The following RPS6KA6 variants were observed in gnomAD, a reference collection of about 807,000 sequenced individuals.
RPS6KA6 encodes the protein ribosomal protein S6 kinase alpha-6.
In RPS6KA6, 27 loss-of-function variants were observed where a neutral mutation model predicts 65.4. The ratio of observed to expected loss-of-function variants is 0.41; its 90% CI spans 0.30 to 0.57. The LOEUF is 0.57. Ranked by LOEUF, RPS6KA6 falls within the 20% of genes least tolerant of loss-of-function variation. The probability of loss-of-function intolerance (pLI) is 0.24; values close to 1 mark genes in which losing one functional copy is unlikely to be tolerated. For synonymous variants in RPS6KA6, 190 were observed against 184.2 expected, an observed-to-expected ratio of 1.03 and a Z score of -0.26; for missense variants, 486 against 555.6, an observed-to-expected ratio of 0.87 and a Z score of 1.26.
intron 3 of RPS6KA6, among the ~76,000 whole-genome samples, chrX:84,149,389 T>A (rs1253764135): frequency 1.8e-5 from 2 of 111,186 alleles, no homozygotes; most frequent in Non-Finnish European, 3.8e-5. Flanking sequence ...TTTCCAGAGG[T>A]TTTCAATTTG....
At chrX:84,115,586 C>T (rs1353885979) in intron 12 of RPS6KA6, among the ~76,000 whole-genome samples, 1 of 111,058 alleles carries the variant, frequency 9.0e-6, no homozygotes, top group African/African-American at 3.3e-5. Flanking sequence ...AAATTTGACC[C>T]AGCAATCCCA....
intron 1 of RPS6KA6, among the ~76,000 whole-genome samples, chrX:84,166,449 T>G (rs1357687627): frequency 9.0e-6 from 1 of 110,946 alleles, no homozygotes; most frequent in Non-Finnish European, 1.9e-5. Flanking sequence ...AAAAATCATA[T>G]GAAAAATTTT....
At chrX:84,092,218 C>CA (rs1307416364) in intron 20 of RPS6KA6, among the ~76,000 whole-genome samples, 22 of 106,877 alleles carry the variant, frequency 2.1e-4, no homozygotes, top group Admixed American at 4.0e-4. Context: ...TTATACTTTT[C>CA]AAAAAAAAAA....
chrX:84,078,343 T>C (rs765692678), intron 20 of RPS6KA6, among the ~76,000 whole-genome samples: 28 of 112,232 alleles, frequency 2.5e-4, no homozygotes, highest in African/African-American at 8.1e-4. Context: ...AATTTTCATA[T>C]GCTAATGGTG....
At chrX:84,112,756 A>C (rs968217556) in intron 12 of RPS6KA6, among the ~76,000 whole-genome samples, 1 of 112,117 alleles carries the variant, frequency 8.9e-6, no homozygotes, top group Non-Finnish European at 1.9e-5. Flanking sequence ...AAACTACACG[A>C]AAGTAGAATA....
chrX:84,185,261 C>T (rs1003758125), intron 1 of RPS6KA6, among the ~76,000 whole-genome samples: 31 of 111,162 alleles, frequency 2.8e-4, no homozygotes, highest in African/African-American at 1.0e-3. Context: ...ACCCTATTTC[C>T]CCTCTTCTAA....
chrX:84,115,200 C>A (rs930094804), intron 12 of RPS6KA6, among the ~76,000 whole-genome samples: 115 of 111,369 alleles, frequency 1.0e-3, no homozygotes, highest in African/African-American at 3.4e-3. Flanking sequence ...GCAAACTATG[C>A]CTCTGACAAA....
chrX:84,112,239 C>T (rs189400215), intron 12 of RPS6KA6, among the ~76,000 whole-genome samples: 2 of 111,539 alleles, frequency 1.8e-5, no homozygotes, highest in East Asian at 2.8e-4. Context: ...TAGTGGGGGA[C>T]TTCAATACCA....
At chrX:84,121,533 A>G (rs759480260) in intron 8 of RPS6KA6, among the ~76,000 whole-genome samples, 1 of 112,188 alleles carries the variant, frequency 8.9e-6, no homozygotes, top group Admixed American at 9.4e-5. Context: ...CCTTTTCCCC[A>G]TAAGTTCTGT....
intron 20 of RPS6KA6, among the ~76,000 whole-genome samples, chrX:84,078,570 G>T (rs1327863535): frequency 8.9e-6 from 1 of 111,915 alleles, no homozygotes; most frequent in Non-Finnish European, 1.9e-5. Context: ...GAACAATGAT[G>T]TATCCATAAA....
chrX:84,079,195 C>T (rs6622905), intron 20 of RPS6KA6, among the ~76,000 whole-genome samples: 5,631 of 110,556 alleles, frequency 0.051, 200 homozygotes, highest in East Asian at 0.2. Flanking sequence ...CATCGCCTCA[C>T]TCAGGAAGCG....
chrX:84,177,446 G>T (rs777934411), intron 1 of RPS6KA6, among the ~76,000 whole-genome samples: 1 of 111,493 alleles, frequency 9.0e-6, no homozygotes, highest in Non-Finnish European at 1.9e-5. Context: ...CTTGTCCAAG[G>T]TCACACAGTA....
intron 6 of RPS6KA6, among the ~76,000 whole-genome samples, chrX:84,140,958 T>A (rs755665589): frequency 8.2e-5 from 9 of 109,300 alleles, no homozygotes; most frequent in Non-Finnish European, 1.1e-4. Context: ...ACATGCTTCA[T>A]ACTGAGGAAA....
intron 17 of RPS6KA6, 54 bp downstream of exon 17, chrX:84,104,445 T>G: frequency 1.2e-6 from 1 of 851,775 alleles, no homozygotes; most frequent in Non-Finnish European, 1.6e-6. Flanking sequence ...TCTCCTATAT[T>G]TTCATGAAGA....
intron 8 of RPS6KA6, among the ~76,000 whole-genome samples, chrX:84,122,361 G>GTTTTTTTT (rs35459607): frequency 2.3e-5 from 1 of 43,009 alleles, no homozygotes; most frequent in Non-Finnish European, 4.1e-5. Context: ...TTTTTTTTAA[G>GTTTTTTTT]TTTTTTTTTT....
chrX:84,149,639 T>C (rs746031118), intron 3 of RPS6KA6, among the ~76,000 whole-genome samples: 4 of 111,471 alleles, frequency 3.6e-5, no homozygotes, highest in South Asian at 3.8e-4. Flanking sequence ...TCTTTTTTTT[T>C]CCCTGAACAG....
Position 84,140,996 on chromosome X carries a change from A to G in RPS6KA6, c.501+4482T>C, listed in dbSNP as rs186743419. On this transcript the variant is annotated intron_variant, in intron 6 of 21. Coordinates refer to ENST00000262752, the MANE Select transcript of RPS6KA6 (RefSeq NM_014496.5). Reference sequence around the variant, plus strand: ...TTAATCTTAAACTAAATACTTCCCTAGTCCCACATGACAAAGCTTAAACAC... The same window carrying G: ...TTAATCTTAAACTAAATACTTCCCTGGTCCCACATGACAAAGCTTAAACAC... Among the ~76,000 whole-genome samples, 7 of 110,485 alleles carry G rather than the reference A, an allele frequency of 6.3e-5. No homozygotes were observed. In the East Asian group the frequency reaches 2.0e-3, roughly 32 times the overall value.
intron 12 of RPS6KA6, among the ~76,000 whole-genome samples, chrX:84,110,402 A>G (rs947380786): frequency 9.0e-6 from 1 of 110,888 alleles, no homozygotes; most frequent in Admixed American, 9.6e-5. Context: ...CTTTCCCCTC[A>G]CCCCTCATGG....
At chrX:84,087,249 A>G (rs1461328401) in intron 20 of RPS6KA6, among the ~76,000 whole-genome samples, 1 of 111,521 alleles carries the variant, frequency 9.0e-6, no homozygotes, top group East Asian at 2.8e-4. Context: ...TTCATAATGT[A>G]ACTGGTCTGT....
Sources: gnomAD v4.1 joint callset for allele counts (sites outside exome capture counted in the v4.1 genomes callset) on GRCh38, gnomAD v4.1.1 for gene constraint, MANE v1.5 for transcripts, NCBI Gene and HGNC (gene_info 2026-07-23, HGNC 2026-07-21) for gene names.